The following KCND2 variants were observed in gnomAD, a reference collection of about 807,000 sequenced individuals.
KCND2 encodes the protein potassium voltage-gated channel subfamily D member 2, also known as A-type voltage-gated potassium channel KCND2.
KCND2 carries 16 observed loss-of-function variants against 54.4 expected under a neutral mutation model. The ratio of observed to expected loss-of-function variants is 0.29; its 90% CI spans 0.20 to 0.45. The LOEUF is 0.45. Ranked by LOEUF, KCND2 falls within the 20% of genes least tolerant of loss-of-function variation. The pLI is 1.00. For synonymous variants in KCND2, 317 were observed against 310.7 expected, an observed-to-expected ratio of 1.02 and a Z score of -0.21; for missense variants, 486 against 824.2, an observed-to-expected ratio of 0.59 and a Z score of 5.02.
At chr7:120,725,369 AAC>A (rs1395333771) in intron 1 of KCND2, among the ~76,000 whole-genome samples, 1 of 152,226 alleles carries the variant, frequency 6.6e-6, no homozygotes, top group Non-Finnish European at 1.5e-5. Flanking sequence ...TTGTAAAAGA[AAC>A]ACAAAATGCT....
At chr7:120,539,205 A>G (rs1431602986) in intron 1 of KCND2, among the ~76,000 whole-genome samples, 2 of 152,112 alleles carry the variant, frequency 1.3e-5, no homozygotes, top group African/African-American at 2.4e-5. Context: ...ATATGCATAC[A>G]TATTTATACT....
At position 120,732,952 on chromosome 7, in the gene KCND2, A is replaced by G. The variant is rs1411406277; in HGVS notation, c.1165A>G (p.Ile389Val). 2 of 1,613,560 alleles carry G rather than the reference A, an allele frequency of 1.2e-6. No homozygotes were observed. Among genetic ancestry groups the G allele is most frequent in the Non-Finnish European group, 1.7e-6 (2 of 1,179,740 alleles). ...CATAGCAGGGAAGATTTTTGGTTCT[A>G]TCTGTTCGCTGAGTGGGGTCTTGGT... Reference protein sequence around the residue: ...KTIAGKIFGSICSLSGVLVIA... With the variant: ...KTIAGKIFGSVCSLSGVLVIA... The change falls in exon 2 of 6, where the codon ATC becomes GTC. Residue 389 changes from isoleucine to valine, a missense_variant. By Grantham distance (29) the Ile-to-Val change is conservative. Coordinates refer to ENST00000331113, the MANE Select transcript of KCND2 (RefSeq NM_012281.3).
Position 120,632,260 on chromosome 7 carries a change from C to T in KCND2, c.1116-100643C>T, listed in dbSNP as rs552567964. ...TGTCATTAGTATGTAATTTCAGCAG[C>T]ATATATGCACACGTGCTGAACAGCG... On this transcript the variant is annotated intron_variant, in intron 1 of 5. Coordinates refer to ENST00000331113, the MANE Select transcript of KCND2 (RefSeq NM_012281.3). Among the ~76,000 whole-genome samples the T allele has an allele frequency of 7.3e-4, 111 of 152,196 alleles. 2 individuals carry two copies. The highest frequency in any genetic ancestry group is 2.5e-3 in the African/African-American group (102 of 41,536).
At chr7:120,644,024 A>AC (rs1793408256) in intron 1 of KCND2, among the ~76,000 whole-genome samples, 1 of 152,040 alleles carries the variant, frequency 6.6e-6, no homozygotes, top group Non-Finnish European at 1.5e-5. Flanking sequence ...CTCAAAATGA[A>AC]CTTTGGTGAA....
intron 1 of KCND2, among the ~76,000 whole-genome samples, chr7:120,617,643 G>T (rs906742529): frequency 2.6e-5 from 4 of 152,034 alleles, no homozygotes; most frequent in African/African-American, 9.7e-5. Flanking sequence ...CCAGTTACTG[G>T]GTGTATACCC....
intron 1 of KCND2, among the ~76,000 whole-genome samples, chr7:120,585,864 G>A (rs1389461815): frequency 3.3e-5 from 5 of 152,046 alleles, no homozygotes; most frequent in South Asian, 4.1e-4. Context: ...ATCTTTCCTG[G>A]TGTCTGTGAG....
chr7:120,574,421 T>C (rs970691981), intron 1 of KCND2, among the ~76,000 whole-genome samples: 2 of 152,188 alleles, frequency 1.3e-5, no homozygotes, highest in African/African-American at 4.8e-5. Context: ...AAAATAAAGG[T>C]AAATATGTCC....
intron 1 of KCND2, among the ~76,000 whole-genome samples, chr7:120,624,700 GA>G (rs1472606909): frequency 6.6e-6 from 1 of 151,450 alleles, no homozygotes; most frequent in Non-Finnish European, 1.5e-5. Flanking sequence ...AGGATCACTT[GA>G]CCCAAGGAGG....
At chr7:120,488,592 C>T (rs1273323490) in intron 1 of KCND2, among the ~76,000 whole-genome samples, 2 of 152,048 alleles carry the variant, frequency 1.3e-5, no homozygotes, top group Non-Finnish European at 2.9e-5. Context: ...GTAACCACAA[C>T]AGTAACCAAA....
intron 1 of KCND2, among the ~76,000 whole-genome samples, chr7:120,308,978 G>T (rs1799688136): frequency 6.6e-6 from 1 of 152,164 alleles, no homozygotes; most frequent in African/African-American, 2.4e-5. Context: ...AACAGCAAAT[G>T]AATGTTTATT....
chr7:120,448,025 G>T (rs956527297), intron 1 of KCND2, among the ~76,000 whole-genome samples: 2 of 152,064 alleles, frequency 1.3e-5, no homozygotes, highest in Admixed American at 6.6e-5. Context: ...AAAAAACCTT[G>T]ATTTTAAAAA....
intron 1 of KCND2, among the ~76,000 whole-genome samples, chr7:120,420,728 T>C (rs1239661380): frequency 6.6e-6 from 1 of 151,932 alleles, no homozygotes; most frequent in East Asian, 1.9e-4. Flanking sequence ...ATTATTGGAG[T>C]ATAGGTAAGA....
chr7:120,665,334 AG>A (rs1240336552), intron 1 of KCND2, among the ~76,000 whole-genome samples: 4 of 152,122 alleles, frequency 2.6e-5, no homozygotes, highest in Admixed American at 6.6e-5. Context: ...CAGATATTTA[AG>A]TTGAATGTGA....
chr7:120,286,190 C>T (rs201846663), intron 1 of KCND2, among the ~76,000 whole-genome samples: 2 of 151,804 alleles, frequency 1.3e-5, no homozygotes, highest in Admixed American at 1.3e-4. Flanking sequence ...CTATTTAATT[C>T]ACAATTTTTG....
intron 1 of KCND2, among the ~76,000 whole-genome samples, chr7:120,359,615 T>A (rs1800563991): frequency 6.6e-6 from 1 of 152,178 alleles, no homozygotes; most frequent in Non-Finnish European, 1.5e-5. Context: ...GAAGGTAGAC[T>A]GTAAGAACTT....
intron 1 of KCND2, among the ~76,000 whole-genome samples, chr7:120,485,358 A>G (rs1379919047): frequency 6.6e-6 from 1 of 152,214 alleles, no homozygotes; most frequent in Admixed American, 6.5e-5. Flanking sequence ...ATTATCCTGG[A>G]GTAAGAATAT....
chr7:120,283,596 T>C (rs1385385212), intron 1 of KCND2, among the ~76,000 whole-genome samples: 1 of 152,098 alleles, frequency 6.6e-6, no homozygotes, highest in African/African-American at 2.4e-5. Context: ...CTAGTTCAAA[T>C]GAAAACTGAA....
At chr7:120,552,211 T>C (rs1792112352) in intron 1 of KCND2, among the ~76,000 whole-genome samples, 1 of 152,190 alleles carries the variant, frequency 6.6e-6, no homozygotes, top group African/African-American at 2.4e-5. Context: ...CACAAGAATT[T>C]ACAAAAGTTA....
At chr7:120,355,478 TG>T (rs936584249) in intron 1 of KCND2, among the ~76,000 whole-genome samples, 2 of 150,396 alleles carry the variant, frequency 1.3e-5, no homozygotes, top group South Asian at 2.1e-4. Context: ...ACCTGGGAGG[TG>T]GGGGGGTGCA....
Sources: allele counts gnomAD v4.1 joint callset (sites outside exome capture counted in the v4.1 genomes callset), GRCh38; gene constraint gnomAD v4.1.1; transcripts MANE v1.5; gene names NCBI Gene and HGNC (gene_info 2026-07-23, HGNC 2026-07-21).